The following PAXBP1 variants were observed in gnomAD, a reference collection of about 807,000 sequenced individuals.
PAXBP1 encodes the protein PAX3- and PAX7-binding protein 1.
Under a neutral mutation model 119.9 loss-of-function variants are expected in PAXBP1, and 44 were observed. That is an observed-to-expected ratio of 0.37 (90% confidence interval 0.29 to 0.47). PAXBP1 has a LOEUF of 0.47. Ranked by LOEUF, PAXBP1 falls within the 20% of genes least tolerant of loss-of-function variation. The pLI, the probability that PAXBP1 is intolerant of heterozygous loss-of-function variation, is 0.99. For missense variants in PAXBP1, 898 were observed against 1,134.1 expected (o/e 0.79, Z 2.99); for synonymous variants, 393 against 406.6 (o/e 0.97, Z 0.40).
chr21:32,756,627 G>A, intron 7 of PAXBP1: 1 of 260,312 alleles, frequency 3.8e-6, no homozygotes, highest in Non-Finnish European at 7.4e-6. Flanking sequence ...AGCAATTACT[G>A]CCACAACATT....
At chr21:32,738,763 T>C (rs1160850719) in intron 15 of PAXBP1, among the ~76,000 whole-genome samples, 1 of 152,156 alleles carries the variant, frequency 6.6e-6, no homozygotes, top group Non-Finnish European at 1.5e-5. Context: ...TTATATCACT[T>C]ATGCATCTCA....
rs951756844 is a variant in PAXBP1 at position 32,759,730 on chromosome 21, G to C, written c.1193+47C>G. 3 of 1,493,314 alleles carry C rather than the reference G, an allele frequency of 2.0e-6. No individual in the cohort carries two copies. The African/African-American group carries it at 4.2e-5, about 21-fold the overall frequency. The allele number at this position is 1,493,314 out of a possible 1,614,324, so 92.5% of individuals were successfully genotyped here. On this transcript the variant is annotated intron_variant, in intron 6 of 17. Coordinates refer to ENST00000331923, the MANE Select transcript of PAXBP1 (RefSeq NM_016631.4). ...ACCCCAGACTACATGTTGCCTGAGG[G>C]AACAGAAAGCTAGCGGACAGGTCTT...
chr21:32,771,143 C>G (rs910858286), intron 1 of PAXBP1, among the ~76,000 whole-genome samples, 183 bp downstream of exon 1: 10 of 152,358 alleles, frequency 6.6e-5, no homozygotes, highest in African/African-American at 2.4e-4. Context: ...CTGGGGGCAG[C>G]GCGGGAACGC....
At chr21:32,738,354 A>T (rs369657728) in intron 15 of PAXBP1, 35 bp from the exon 16 acceptor site, 2 of 1,529,010 alleles carry the variant, frequency 1.3e-6, no homozygotes, top group African/African-American at 2.8e-5. Flanking sequence ...AATGTGAAAC[A>T]ATTAGATTAG....
At chr21:32,770,114 T>G (rs1302441335) in intron 1 of PAXBP1, among the ~76,000 whole-genome samples, 172 bp from the exon 2 acceptor site, 1 of 152,200 alleles carries the variant, frequency 6.6e-6, no homozygotes, top group Non-Finnish European at 1.5e-5. Flanking sequence ...GAGGTCAACT[T>G]CCTAAATTAC....
chr21:32,770,773 C>T (rs945257251), intron 1 of PAXBP1, among the ~76,000 whole-genome samples: 5 of 152,222 alleles, frequency 3.3e-5, no homozygotes, highest in Non-Finnish European at 5.9e-5. Context: ...TGGGTATCTG[C>T]TACCCCTAAT....
At chr21:32,745,046 G>T in intron 12 of PAXBP1, 133 bp from the exon 13 acceptor site, 2 of 986,330 alleles carry the variant, frequency 2.0e-6, no homozygotes, top group Non-Finnish European at 2.9e-6. Flanking sequence ...AGTCTTCTTT[G>T]TCCTATTAAC....
chr21:32,766,114 A>G (rs574548438), intron 2 of PAXBP1, among the ~76,000 whole-genome samples: 42 of 152,190 alleles, frequency 2.8e-4, no homozygotes, highest in Non-Finnish European at 5.1e-4. Context: ...CAGCCTGAGC[A>G]ACAGAACGAG....
At position 32,735,074 on chromosome 21, in the gene PAXBP1, G is replaced by GA. The variant is rs1319707485; in HGVS notation, c.2637-8dup. On this transcript the variant is annotated splice_region_variant and splice_polypyrimidine_tract_variant and intron_variant, in intron 17 of 17. Transcript: ENST00000331923. ...TATCTGTTTTATGTTTTCCCTAAAA[G>GA]AAAAAAATATAGCAGCATCTCATTA... 5 of 1,591,384 alleles carry GA rather than the reference G, an allele frequency of 3.1e-6. No individual in the cohort carries two copies. The highest frequency in any genetic ancestry group is 3.4e-5 in the Admixed American group (2 of 58,484).
At chr21:32,758,235 A>C (rs2044074741) in intron 7 of PAXBP1, among the ~76,000 whole-genome samples, 1 of 152,248 alleles carries the variant, frequency 6.6e-6, no homozygotes, top group Non-Finnish European at 1.5e-5. Context: ...TACAGATTCT[A>C]AGCTAATCTA....
At chr21:32,758,021 C>T (rs552891514) in intron 7 of PAXBP1, among the ~76,000 whole-genome samples, 1 of 152,302 alleles carries the variant, frequency 6.6e-6, no homozygotes, top group East Asian at 1.9e-4. Flanking sequence ...ACATGAGAAA[C>T]CCTACAGAGA....
At chr21:32,754,237 T>C (rs1044948825) in intron 8 of PAXBP1, among the ~76,000 whole-genome samples, 20 of 152,196 alleles carry the variant, frequency 1.3e-4, no homozygotes, top group African/African-American at 4.3e-4. Context: ...AGAATAACAT[T>C]AGAGCTATTT....
intron 11 of PAXBP1, 27 bp from the exon 12 acceptor site, chr21:32,745,745 A>G (rs1366433783): frequency 6.2e-7 from 1 of 1,612,112 alleles, no homozygotes; most frequent in Non-Finnish European, 8.5e-7. Context: ...AGGTTACCCA[A>G]ATACTAAAAT....
At position 32,743,232 on chromosome 21, in the gene PAXBP1, G is replaced by C; in HGVS notation, c.2334+16C>G. On this transcript the variant is annotated intron_variant, in intron 15 of 17. Transcript: ENST00000331923. ...AAACGAAATCTGAGTCTTTTAGATA[G>C]TCTATGGACACGTACCTTAACTGAA... 6.4e-7 allele frequency: 1 copy of C among 1,560,240 alleles called. No individual in the cohort carries two copies. The highest frequency in any genetic ancestry group is 8.7e-7 in the Non-Finnish European group (1 of 1,153,932).
At chr21:32,762,525 C>T (rs1234752352) in intron 3 of PAXBP1, among the ~76,000 whole-genome samples, 2 of 151,914 alleles carry the variant, frequency 1.3e-5, no homozygotes, top group African/African-American at 4.8e-5. Context: ...CTAAAAAGAA[C>T]ATATAATGGT....
chr21:32,756,714 C>A (rs1448746971), intron 7 of PAXBP1: 1 of 211,006 alleles, frequency 4.7e-6, no homozygotes, highest in Admixed American at 5.7e-5. Context: ...CTGAGGCATT[C>A]TTTTATCTTT....
At chr21:32,736,654 G>C (rs2043697106) in intron 17 of PAXBP1, among the ~76,000 whole-genome samples, 2 of 152,172 alleles carry the variant, frequency 1.3e-5, no homozygotes, top group Admixed American at 1.3e-4. Context: ...TTGACATTAT[G>C]AAGATATATG....
intron 2 of PAXBP1, among the ~76,000 whole-genome samples, chr21:32,768,855 G>C (rs1317052060): frequency 1.3e-5 from 2 of 152,148 alleles, no homozygotes; most frequent in African/African-American, 4.8e-5. Context: ...AGGTGTACTT[G>C]TTCTTTTCCA....
intron 3 of PAXBP1, among the ~76,000 whole-genome samples, chr21:32,763,761 G>A (rs997916383): frequency 5.3e-5 from 8 of 152,072 alleles, no homozygotes; most frequent in South Asian, 2.1e-4. Context: ...CGAGGCAGGC[G>A]GATCACCTGA....
Sources: gnomAD v4.1 joint callset for allele counts (sites outside exome capture counted in the v4.1 genomes callset) on GRCh38, gnomAD v4.1.1 for gene constraint, MANE v1.5 for transcripts, NCBI Gene and HGNC (gene_info 2026-07-23, HGNC 2026-07-21) for gene names.